SPECC1: variants seen among roughly 807,000 people sequenced by gnomAD.
SPECC1 encodes cytospin-B.
In SPECC1, 62 loss-of-function variants were observed where a neutral mutation model predicts 104.1. The ratio of observed to expected loss-of-function variants is 0.60; its 90% CI spans 0.49 to 0.74. SPECC1 has a LOEUF of 0.74. SPECC1 is among the 30% of genes least tolerant of loss of function. The pLI is 0.00. For missense variants in SPECC1, 1,306 were observed against 1,310.5 expected, an observed-to-expected ratio of 1.00 and a Z score of 0.05; for synonymous variants, 513 against 501.6, an observed-to-expected ratio of 1.02 and a Z score of -0.30.
chr17:20,234,570 A>G (rs2038794799), intron 7 of SPECC1, among the ~76,000 whole-genome samples: 1 of 151,972 alleles, frequency 6.6e-6, no homozygotes, highest in South Asian at 2.1e-4. Flanking sequence ...CTTGATTGAA[A>G]CTCAGTTTGA....
At chr17:20,283,252 A>G (rs556219456) in intron 12 of SPECC1, among the ~76,000 whole-genome samples, 3 of 152,358 alleles carry the variant, frequency 2.0e-5, no homozygotes, top group Admixed American at 1.3e-4. Context: ...AAGGCATTCC[A>G]AGGAATCCCA....
At chr17:20,114,052 G>A (rs2048628858) in intron 3 of SPECC1, among the ~76,000 whole-genome samples, 1 of 151,936 alleles carries the variant, frequency 6.6e-6, no homozygotes, top group African/African-American at 2.4e-5. Flanking sequence ...GGGGAATGAG[G>A]AATTTTAAAC....
At chr17:20,037,887 T>C (rs1176938508) in intron 1 of SPECC1, among the ~76,000 whole-genome samples, 1 of 152,158 alleles carries the variant, frequency 6.6e-6, no homozygotes, top group East Asian at 1.9e-4. Flanking sequence ...TTATAAAATA[T>C]TAAGTTTAAT....
chr17:20,273,410 G>A (rs181396625), intron 12 of SPECC1, among the ~76,000 whole-genome samples: 6 of 151,934 alleles, frequency 3.9e-5, no homozygotes, highest in Middle Eastern at 3.4e-3. Flanking sequence ...CCTGGGAGGC[G>A]GAGGCGAGAT....
In SPECC1 at chr17:20,099,718, A is replaced by AC. The variant is rs1567842129; in HGVS notation, c.147+2920_147+2921insC. Among the ~76,000 whole-genome samples, 2 of 147,940 alleles carry AC rather than the reference A, an allele frequency of 1.4e-5. 1 individual carries two copies. The highest frequency in any genetic ancestry group is 3.0e-5 in the Non-Finnish European group (2 of 67,208). On this transcript the variant is annotated intron_variant, in intron 2 of 14. Transcript: ENST00000395527. ...TCAAAAAAAAAAAAAAAAAAAAAAA[A>AC]AACCCACAAAATATATAAAATAAGG...
chr17:20,246,936 A>G (rs953382706), intron 8 of SPECC1, among the ~76,000 whole-genome samples: 1 of 152,194 alleles, frequency 6.6e-6, no homozygotes, highest in Non-Finnish European at 1.5e-5. Context: ...CAATTTGTAC[A>G]AGAACTTTTC....
chr17:20,297,804 G>C (rs576554472), intron 13 of SPECC1, among the ~76,000 whole-genome samples: 1 of 152,164 alleles, frequency 6.6e-6, no homozygotes, highest in Non-Finnish European at 1.5e-5. Context: ...AAAATACTGT[G>C]CTGGGTCCCG....
intron 1 of SPECC1, among the ~76,000 whole-genome samples, chr17:20,045,807 C>T (rs1362153425): frequency 1.3e-5 from 2 of 152,088 alleles, no homozygotes; most frequent in Non-Finnish European, 2.9e-5. Context: ...TGCTTTTCTA[C>T]CCTGTTTATC....
chr17:20,273,464 CAA>C (rs10708984), intron 12 of SPECC1, among the ~76,000 whole-genome samples: 127 of 144,262 alleles, frequency 8.8e-4, no homozygotes, highest in Non-Finnish European at 7.3e-4. Flanking sequence ...GAGACTCTGT[CAA>C]AAAAAAAAAA....
intron 2 of SPECC1, among the ~76,000 whole-genome samples, chr17:20,106,319 A>C (rs2048195285): frequency 6.6e-6 from 1 of 152,182 alleles, no homozygotes; most frequent in Non-Finnish European, 1.5e-5. Context: ...CATGTATTAT[A>C]CAGGTGACCT....
chr17:20,279,511 A>G (rs2040695315), intron 12 of SPECC1, among the ~76,000 whole-genome samples: 1 of 151,698 alleles, frequency 6.6e-6, no homozygotes, highest in Non-Finnish European at 1.5e-5. Context: ...TAGTAGAGAA[A>G]GGGTTTCTCC....
chr17:20,270,808 GTTAT>G (rs2040383579), intron 12 of SPECC1, among the ~76,000 whole-genome samples: 1 of 152,112 alleles, frequency 6.6e-6, no homozygotes, highest in Non-Finnish European at 1.5e-5. Flanking sequence ...CTTCATTAAG[GTTAT>G]TTAGTTTACA....
intron 1 of SPECC1, among the ~76,000 whole-genome samples, chr17:20,023,609 T>G (rs962141382): frequency 6.6e-6 from 1 of 152,106 alleles, no homozygotes; most frequent in African/African-American, 2.4e-5. Flanking sequence ...CGAGGCAGGA[T>G]AATGCAAAGG....
rs754593191 is a variant in SPECC1, at chr17:20,096,626, T to C, written c.-21-5T>C. On this transcript the variant is annotated splice_polypyrimidine_tract_variant and splice_region_variant and intron_variant, in intron 1 of 14. Transcript: ENST00000395527. Reference sequence around the variant, plus strand: ...GACATGTTTTTCTTTTCTGCTCTTTTGCAGGACAGACCCACGAAGTCAAGC... The same window carrying C: ...GACATGTTTTTCTTTTCTGCTCTTTCGCAGGACAGACCCACGAAGTCAAGC... The C allele has an allele frequency of 1.9e-6, 3 of 1,595,290 alleles. No homozygotes were observed. The South Asian group carries it at 3.3e-5, about 18-fold the overall frequency.
chr17:20,249,556 C>G (rs2039546725), intron 9 of SPECC1, among the ~76,000 whole-genome samples: 1 of 152,060 alleles, frequency 6.6e-6, no homozygotes, highest in African/African-American at 2.4e-5. Flanking sequence ...GACCCTAAAA[C>G]AACTGAGATT....
At chr17:20,272,374 T>G (rs536171282) in intron 12 of SPECC1, among the ~76,000 whole-genome samples, 97 of 152,366 alleles carry the variant, frequency 6.4e-4, no homozygotes, top group Middle Eastern at 3.4e-3. Context: ...TTCAATTGTT[T>G]TTTAATTGTG....
At chr17:20,162,408 A>G (rs879407816) in intron 3 of SPECC1, among the ~76,000 whole-genome samples, 38 of 152,088 alleles carry the variant, frequency 2.5e-4, no homozygotes, top group Admixed American at 7.2e-4. Flanking sequence ...GGACCCCCAA[A>G]GTGCTGGGAT....
chr17:20,264,457 A>ATTTT lies in SPECC1; in HGVS notation c.2940+4192_2940+4195dup, dbSNP rs10565315. On this transcript the variant is annotated intron_variant, in intron 12 of 14. Coordinates refer to ENST00000395527, the MANE Select transcript of SPECC1 (RefSeq NM_001243439.2). ...TCCATGTGGCTTTTTTTGGAGACGG[A>ATTTT]TTTTTTTTTTTTTTTTTTTTTTTTT... 5.7e-4 allele frequency among the ~76,000 whole-genome samples: 32 copies of ATTTT among 55,770 alleles called. 1 individual carries two copies. The highest frequency in any genetic ancestry group is 1.2e-3 in the Admixed American group (4 of 3,326). The allele number at this position is 55,770 out of a possible 152,430, so 36.6% of individuals were successfully genotyped here.
intron 3 of SPECC1, among the ~76,000 whole-genome samples, chr17:20,203,042 G>A (rs1398643398): frequency 6.6e-6 from 1 of 152,146 alleles, no homozygotes; most frequent in Non-Finnish European, 1.5e-5. Flanking sequence ...TCAGGGCTCA[G>A]AAATAGTCTT....
Sources: allele counts gnomAD v4.1 joint callset (sites outside exome capture counted in the v4.1 genomes callset), GRCh38; gene constraint gnomAD v4.1.1; transcripts MANE v1.5; gene names NCBI Gene and HGNC (gene_info 2026-07-23, HGNC 2026-07-21).